Variants in PTPRD observed in about 807,000 individuals in gnomAD.
PTPRD encodes the protein receptor-type tyrosine-protein phosphatase delta.
A neutral mutation model predicts 214.5 loss-of-function variants in PTPRD; 34 were observed. That is an observed-to-expected ratio of 0.16 (90% confidence interval 0.12 to 0.21). The LOEUF (loss-of-function observed/expected upper bound fraction) is 0.21. Among genes scored for constraint, PTPRD ranks in the 10% least tolerant of loss-of-function variants. The probability of loss-of-function intolerance (pLI) is 1.00; values close to 1 mark genes in which losing one functional copy is unlikely to be tolerated. For synonymous variants in PTPRD, 1,128 were observed against 845.7 expected (o/e 1.33, Z -5.79); for missense variants, 2,545 against 2,398.7 (o/e 1.06, Z -1.27).
chr9:9,617,706 G>C (rs868687417), intron 7 of PTPRD, among the ~76,000 whole-genome samples: 2 of 152,190 alleles, frequency 1.3e-5, no homozygotes, highest in East Asian at 1.9e-4. Context: ...CAGTGTAAGA[G>C]ATTAGGATGG....
intron 11 of PTPRD, among the ~76,000 whole-genome samples, chr9:8,869,150 C>A (rs887967906): frequency 6.6e-6 from 1 of 152,106 alleles, no homozygotes; most frequent in Non-Finnish European, 1.5e-5. Context: ...ATTCTTGATG[C>A]CTTTGTGTTA....
intron 3 of PTPRD, among the ~76,000 whole-genome samples, chr9:10,094,048 T>G (rs1292878124): frequency 6.6e-6 from 1 of 151,212 alleles, no homozygotes; most frequent in East Asian, 1.9e-4. Flanking sequence ...ATGCAATATA[T>G]CCACATAACA....
intron 14 of PTPRD, 41 bp downstream of exon 14, chr9:8,633,276 G>A (rs1366126789): frequency 1.3e-6 from 2 of 1,596,334 alleles, no homozygotes; most frequent in Non-Finnish European, 1.7e-6. Context: ...ATACAGAATT[G>A]TAACAATGAC....
intron 9 of PTPRD, among the ~76,000 whole-genome samples, chr9:9,247,105 C>G (rs10977614): frequency 1.2e-4 from 18 of 151,930 alleles, no homozygotes; most frequent in African/African-American, 4.1e-4. Flanking sequence ...TCACTCTAGC[C>G]TTCTTCCACC....
intron 2 of PTPRD, among the ~76,000 whole-genome samples, chr9:10,494,712 A>T (rs1296597513): frequency 6.6e-6 from 1 of 151,062 alleles, no homozygotes; most frequent in Non-Finnish European, 1.5e-5. Flanking sequence ...TAAATGTAAG[A>T]TGTTATTTAA....
At chr9:8,419,401 A>T (rs1018444530) in intron 35 of PTPRD, among the ~76,000 whole-genome samples, 4 of 152,114 alleles carry the variant, frequency 2.6e-5, no homozygotes, top group African/African-American at 4.8e-5. Context: ...ACACAGAGTG[A>T]GTCTTATTTA....
At chr9:8,464,325 CT>C (rs2096495102) in intron 32 of PTPRD, among the ~76,000 whole-genome samples, 1 of 151,984 alleles carries the variant, frequency 6.6e-6, no homozygotes, top group Non-Finnish European at 1.5e-5. Context: ...ATTCCATTCC[CT>C]TGATGTTCTG....
chr9:8,555,580 T>C (rs928288058), intron 14 of PTPRD, among the ~76,000 whole-genome samples: 1 of 152,250 alleles, frequency 6.6e-6, no homozygotes, highest in Non-Finnish European at 1.5e-5. Context: ...AGTCTTTAAA[T>C]GGCAGCAGTA....
chr9:9,181,180 C>T (rs1210953761), intron 10 of PTPRD, among the ~76,000 whole-genome samples: 1 of 151,942 alleles, frequency 6.6e-6, no homozygotes, highest in African/African-American at 2.4e-5. Flanking sequence ...CTGCTTGGCA[C>T]ATACTAAGGG....
At chr9:9,748,143 A>G (rs1406834120) in intron 6 of PTPRD, among the ~76,000 whole-genome samples, 2 of 152,200 alleles carry the variant, frequency 1.3e-5, no homozygotes, top group East Asian at 1.9e-4. Flanking sequence ...TCACTGCTGT[A>G]AAATAGTGGG....
At chr9:9,161,967 ATT>A (rs757926109) in intron 10 of PTPRD, among the ~76,000 whole-genome samples, 22 of 151,478 alleles carry the variant, frequency 1.5e-4, no homozygotes, top group African/African-American at 5.1e-4. Context: ...TCATTTTAAG[ATT>A]TTTTTTTGTC....
intron 8 of PTPRD, among the ~76,000 whole-genome samples, chr9:9,526,684 T>A (rs1381646612): frequency 1.3e-5 from 2 of 152,190 alleles, no homozygotes; most frequent in Non-Finnish European, 2.9e-5. Flanking sequence ...AATGTACTTT[T>A]ATCTGAAATA....
intron 45 of PTPRD, 41 bp from the exon 46 acceptor site, chr9:8,317,983 C>A (rs999356229): frequency 1.3e-6 from 2 of 1,535,404 alleles, no homozygotes; most frequent in South Asian, 1.1e-5. Flanking sequence ...AAGAAGGGAC[C>A]ATGAGCATAT....
intron 34 of PTPRD, among the ~76,000 whole-genome samples, chr9:8,445,369 C>A (rs545627526): frequency 6.6e-6 from 1 of 152,274 alleles, no homozygotes; most frequent in South Asian, 2.1e-4. Context: ...CAGACACTTA[C>A]AATCAATCAT....
At chr9:9,572,036 G>C (rs1417222023) in intron 8 of PTPRD, among the ~76,000 whole-genome samples, 2 of 151,074 alleles carry the variant, frequency 1.3e-5, no homozygotes, top group East Asian at 3.9e-4. Flanking sequence ...AAAAAACTTT[G>C]ATCATAGAAG....
intron 11 of PTPRD, among the ~76,000 whole-genome samples, chr9:8,939,751 T>C (rs2154293169): frequency 6.6e-6 from 1 of 152,288 alleles, no homozygotes. Flanking sequence ...TGTTAAACTA[T>C]TTGAACAGGT....
intron 10 of PTPRD, among the ~76,000 whole-genome samples, chr9:9,094,096 C>G (rs1195294764): frequency 2.0e-5 from 3 of 152,046 alleles, no homozygotes; most frequent in African/African-American, 7.2e-5. Context: ...AAACAAAGTA[C>G]CAATGCTCAC....
At chr9:8,336,312 C>G (rs1846624818) in intron 43 of PTPRD, among the ~76,000 whole-genome samples, 2 of 149,326 alleles carry the variant, frequency 1.3e-5, no homozygotes, top group South Asian at 2.1e-4. Flanking sequence ...CTGCAAACAT[C>G]TTATCTTTGA....
chr9:9,730,548 C>A lies in PTPRD; in HGVS notation c.-287+3985G>T, dbSNP rs187095501. Among the ~76,000 whole-genome samples the A allele has an allele frequency of 4.5e-3, 683 of 152,178 alleles. 6 individuals are homozygous for A. The highest frequency in any genetic ancestry group is 0.017 in the Middle Eastern group (5 of 294). ...ATTTTTCTCAATAACTATATAAGTA[C>A]AAAAGATAAAATCTTGTTTTAACTA... On this transcript the variant is annotated intron_variant, in intron 7 of 45. Transcript: ENST00000381196.
Sources: allele counts gnomAD v4.1 joint callset (sites outside exome capture counted in the v4.1 genomes callset), GRCh38; gene constraint gnomAD v4.1.1; transcripts MANE v1.5; gene names NCBI Gene and HGNC (gene_info 2026-07-23, HGNC 2026-07-21).